The following GINS1 variants were observed in gnomAD, a reference collection of about 807,000 sequenced individuals.
The protein encoded by GINS1 is DNA replication complex GINS protein PSF1.
A neutral mutation model predicts 34.9 loss-of-function variants in GINS1; 26 were observed. The ratio of observed to expected loss-of-function variants is 0.74; its 90% CI spans 0.55 to 1.03. The LOEUF (loss-of-function observed/expected upper bound fraction) is 1.03, where lower values mean the gene tolerates loss of function less well. GINS1 is among the 50% of genes least tolerant of loss of function. The probability of loss-of-function intolerance (pLI) is 0.00; values close to 1 mark genes in which losing one functional copy is unlikely to be tolerated. For missense variants in GINS1, 235 were observed against 237.9 expected, an observed-to-expected ratio of 0.99 and a Z score of 0.08; for synonymous variants, 97 against 84.4, an observed-to-expected ratio of 1.15 and a Z score of -0.82.
chr20:25,444,469 T>C (rs1325463520), intron 6 of GINS1, among the ~76,000 whole-genome samples: 1 of 152,246 alleles, frequency 6.6e-6, no homozygotes, highest in Non-Finnish European at 1.5e-5. Flanking sequence ...TGTGTTTTTT[T>C]ACATTTTTCT....
intron 5 of GINS1, among the ~76,000 whole-genome samples, chr20:25,438,339 A>G (rs568356709): frequency 1.3e-5 from 2 of 152,088 alleles, no homozygotes; most frequent in Admixed American, 1.3e-4. Context: ...AAAGGAAGGA[A>G]GGTGTCAAGG....
At chr20:25,445,405 G>T (rs1373308265) in intron 6 of GINS1, among the ~76,000 whole-genome samples, 4 of 150,646 alleles carry the variant, frequency 2.7e-5, no homozygotes. Flanking sequence ...GGAGTGCAGT[G>T]GCACGGTCTC....
intron 1 of GINS1, chr20:25,408,970 G>A (rs944184587): frequency 1.0e-6 from 1 of 983,976 alleles, no homozygotes. Flanking sequence ...TACTAAGGAG[G>A]TATAGCAAGG....
At chr20:25,417,291 ATCTC>A (rs1455127171) in intron 3 of GINS1, 89 bp downstream of exon 3, 9 of 707,200 alleles carry the variant, frequency 1.3e-5, no homozygotes, top group South Asian at 8.3e-5. Flanking sequence ...GAAATCTTAG[ATCTC>A]TCTCTCTTTG....
intron 5 of GINS1, among the ~76,000 whole-genome samples, chr20:25,433,217 A>G (rs2090436777): frequency 6.6e-6 from 1 of 152,062 alleles, no homozygotes; most frequent in African/African-American, 2.4e-5. Context: ...CTGTTTTTCT[A>G]TATGCCTTAT....
chr20:25,423,025 C>T (rs1227441524), intron 4 of GINS1, among the ~76,000 whole-genome samples: 1 of 152,180 alleles, frequency 6.6e-6, no homozygotes, highest in Non-Finnish European at 1.5e-5. Flanking sequence ...GGTCCACCTG[C>T]CCCAGCCTCC....
chr20:25,422,078 A>G (rs1014109403), intron 4 of GINS1, among the ~76,000 whole-genome samples: 3 of 152,286 alleles, frequency 2.0e-5, no homozygotes, highest in Admixed American at 2.0e-4. Flanking sequence ...TGTGAAATCT[A>G]ACATAAAAAC....
intron 4 of GINS1, chr20:25,419,662 A>T: frequency 1.4e-6 from 1 of 691,774 alleles, no homozygotes; most frequent in Non-Finnish European, 2.0e-6. Context: ...TTTTAGATTA[A>T]TTTTTTTGTG....
rs1272327074 is a variant in GINS1 at position 25,418,208 on chromosome 20, T to C, written c.330+13T>C. The C allele has an allele frequency of 7.0e-6, 10 of 1,427,524 alleles. No individual in the cohort carries two copies. Among genetic ancestry groups the C allele is most frequent in the Non-Finnish European group, 8.9e-6 (9 of 1,008,404 alleles). 88.4% of individuals were successfully genotyped at this position (1,427,524 alleles called of 1,614,324 possible). A position where few individuals can be genotyped will look rare whatever the true frequency, so the allele number is the denominator to read the frequency against. On this transcript the variant is annotated intron_variant, in intron 4 of 6. Coordinates refer to ENST00000262460, the MANE Select transcript of GINS1 (RefSeq NM_021067.5). Reference sequence around the variant, plus strand: ...GGCTGCTGAAGAAGTGAGTTAGCATTGTTCAAGTTTATAAATTTTGAAAAT... The same window carrying C: ...GGCTGCTGAAGAAGTGAGTTAGCATCGTTCAAGTTTATAAATTTTGAAAAT...
In GINS1 at chr20:25,446,274, G is replaced by C. The variant is rs1036290554; in HGVS notation, c.*283G>C. 54 of 290,650 alleles carry C rather than the reference G, an allele frequency of 1.9e-4. 1 individual carries two copies. Among genetic ancestry groups the C allele is most frequent in the Middle Eastern group, 2.0e-3 (2 of 1,004 alleles). 18.0% of individuals were successfully genotyped at this position (290,650 alleles called of 1,614,324 possible). A position where few individuals can be genotyped will look rare whatever the true frequency, so the allele number is the denominator to read the frequency against. ...GGTCTCAAACTCCTGGCCTCAAGCA[G>C]TCCTCCCACCTTAGCTTCTCAAAGT... On this transcript the variant is annotated 3_prime_UTR_variant, in exon 7 of 7. Transcript: ENST00000262460.
chr20:25,429,746 A>C (rs780370484), intron 5 of GINS1, among the ~76,000 whole-genome samples: 1 of 152,214 alleles, frequency 6.6e-6, no homozygotes, highest in East Asian at 1.9e-4. Context: ...TACATGTAAG[A>C]TCATATCATC....
At chr20:25,415,301 C>G (rs2090313275) in intron 2 of GINS1, among the ~76,000 whole-genome samples, 1 of 152,246 alleles carries the variant, frequency 6.6e-6, no homozygotes, top group East Asian at 1.9e-4. Flanking sequence ...AACTCAAGTC[C>G]CTAAGCCATT....
chr20:25,444,206 G>A (rs909909772), intron 6 of GINS1, among the ~76,000 whole-genome samples: 1 of 151,642 alleles, frequency 6.6e-6, no homozygotes, highest in African/African-American at 2.4e-5. Flanking sequence ...GTAGAGGCGG[G>A]GTTTCACCAT....
chr20:25,428,438 C>T, intron 5 of GINS1, among the ~76,000 whole-genome samples: 1 of 106,120 alleles, frequency 9.4e-6, no homozygotes, highest in South Asian at 3.3e-4. Flanking sequence ...GAGTCTCTGT[C>T]TGTCGCCCAG....
intron 6 of GINS1, among the ~76,000 whole-genome samples, chr20:25,443,298 A>G (rs531310480): frequency 2.6e-5 from 4 of 152,186 alleles, no homozygotes; most frequent in Non-Finnish European, 5.9e-5. Flanking sequence ...TGTCCCAAGT[A>G]TTCTCTTAGG....
chr20:25,416,398 T>C (rs2090320914), intron 2 of GINS1, among the ~76,000 whole-genome samples: 1 of 152,176 alleles, frequency 6.6e-6, no homozygotes, highest in Non-Finnish European at 1.5e-5. Context: ...CATGACAGGA[T>C]GGGACATGTA....
At chr20:25,410,389 G>A (rs983037264) in intron 1 of GINS1, among the ~76,000 whole-genome samples, 1 of 151,922 alleles carries the variant, frequency 6.6e-6, no homozygotes, top group Admixed American at 6.6e-5. Context: ...TCTTAATTTG[G>A]TGGAGCACCT....
intron 5 of GINS1, among the ~76,000 whole-genome samples, chr20:25,431,656 C>T (rs190704836): frequency 2.1e-4 from 32 of 151,326 alleles, no homozygotes; most frequent in Middle Eastern, 3.4e-3. Flanking sequence ...CTTCATCCTC[C>T]GCCTCCAGGG....
intron 1 of GINS1, among the ~76,000 whole-genome samples, chr20:25,412,876 T>C (rs1406508990): frequency 1.3e-5 from 2 of 152,184 alleles, no homozygotes; most frequent in African/African-American, 2.4e-5. Flanking sequence ...CTCCCACCTA[T>C]AGCCTTAGGC....
Sources: allele counts gnomAD v4.1 joint callset (sites outside exome capture counted in the v4.1 genomes callset), GRCh38; gene constraint gnomAD v4.1.1; transcripts MANE v1.5; gene names NCBI Gene and HGNC (gene_info 2026-07-23, HGNC 2026-07-21).